CAPZB: variants seen among roughly 807,000 people sequenced by gnomAD.
The protein encoded by CAPZB is capping actin protein of muscle Z-line subunit beta.
Under a neutral mutation model 38.1 loss-of-function variants are expected in CAPZB, and 2 were observed. The ratio of observed to expected loss-of-function variants is 0.05; its 90% CI spans 0.02 to 0.17. The LOEUF (loss-of-function observed/expected upper bound fraction) is 0.17, where lower values mean the gene tolerates loss of function less well. Ranked by LOEUF, CAPZB falls within the 10% of genes least tolerant of loss-of-function variation. CAPZB has a pLI of 1.00. For synonymous variants in CAPZB, 107 were observed against 127.4 expected, an observed-to-expected ratio of 0.84 and a Z score of 1.08; for missense variants, 161 against 334.2, an observed-to-expected ratio of 0.48 and a Z score of 4.04.
At chr1:19,456,715 T>C (rs574256844) in intron 1 of CAPZB, among the ~76,000 whole-genome samples, 13 of 152,188 alleles carry the variant, frequency 8.5e-5, no homozygotes, top group Non-Finnish European at 1.5e-4. Context: ...CCATGGAGTC[T>C]ATTTGGGAAA....
chr1:19,379,574 C>T (rs1024181840), intron 3 of CAPZB, among the ~76,000 whole-genome samples: 5 of 152,186 alleles, frequency 3.3e-5, no homozygotes, highest in African/African-American at 1.2e-4. Context: ...ATTAGAAAAC[C>T]TGAGCAATCA....
chr1:19,454,532 T>G (rs1365264601), intron 1 of CAPZB, among the ~76,000 whole-genome samples: 1 of 152,144 alleles, frequency 6.6e-6, no homozygotes, highest in Admixed American at 6.5e-5. Context: ...CATTCCTCAC[T>G]TGGTCCTTAC....
At position 19,459,533 on chromosome 1, in the gene CAPZB, AG is replaced by A. The variant is rs1221764741; in HGVS notation, c.3+25902del. Among the ~76,000 whole-genome samples, 3 of 152,314 alleles carry A rather than the reference AG, an allele frequency of 2.0e-5. No individual in the cohort carries two copies. The East Asian group carries it at 5.8e-4, about 29-fold the overall frequency. ...GCCTCTCAGCCCCCACACCTGGGGT[AG>A]AATTTCTTCATCCAAAAAACGGGAT... On this transcript the variant is annotated intron_variant, in intron 1 of 8. Coordinates refer to ENST00000264202, the MANE Select transcript of CAPZB (RefSeq NM_004930.5).
intron 4 of CAPZB, among the ~76,000 whole-genome samples, chr1:19,362,538 T>C (rs992247531): frequency 6.6e-6 from 1 of 152,060 alleles, no homozygotes; most frequent in African/African-American, 2.4e-5. Context: ...CTTTTAAACA[T>C]GCAGGCCTAG....
In CAPZB at chr1:19,345,236, G is replaced by A; in HGVS notation, c.605C>T (p.Thr202Ile). ...TATGTGTGGGGAGCAGTCACTCACA[G>A]TTTCATCCTTCTCCATCTGCAAAAG... ...SLTRQMEKDE[T>I]VSDCSPHIAN... Residue 202 changes from threonine (T) to isoleucine (I), a missense_variant, in exon 7 of 9, where the codon ACT becomes ATT. Thr to Ile is a moderately conservative substitution (Grantham distance 89). Coordinates refer to ENST00000264202, the MANE Select transcript of CAPZB (RefSeq NM_004930.5). The A allele has an allele frequency of 6.2e-7, 1 of 1,613,664 alleles. No homozygotes were observed. The highest frequency in any genetic ancestry group is 8.5e-7 in the Non-Finnish European group (1 of 1,179,646).
intron 6 of CAPZB, among the ~76,000 whole-genome samples, chr1:19,353,017 A>C (rs2094000286): frequency 6.6e-6 from 1 of 152,234 alleles, no homozygotes; most frequent in Non-Finnish European, 1.5e-5. Context: ...CCAGCAAGCC[A>C]AAGCTGGCGG....
chr1:19,403,700 T>C (rs1021987863), intron 2 of CAPZB, among the ~76,000 whole-genome samples: 3 of 152,186 alleles, frequency 2.0e-5, no homozygotes, highest in African/African-American at 4.8e-5. Flanking sequence ...ACTCCAGTAA[T>C]GCAGGGAGGA....
At chr1:19,393,183 A>G (rs957562097) in intron 2 of CAPZB, among the ~76,000 whole-genome samples, 64 of 152,246 alleles carry the variant, frequency 4.2e-4, no homozygotes, top group African/African-American at 1.4e-3. Flanking sequence ...CATTTTGCCT[A>G]ATGGCTCTCT....
chr1:19,438,991 T>C lies in CAPZB; in HGVS notation c.4-19241A>G, dbSNP rs1212077231. ...ATAGGAATCCGTTTCCAATCAATGA[T>C]GGAAACCAGATTCCCTCATCAGTTG... On this transcript the variant is annotated intron_variant, in intron 1 of 8. Coordinates refer to ENST00000264202, the MANE Select transcript of CAPZB (RefSeq NM_004930.5). Among the ~76,000 whole-genome samples the C allele has an allele frequency of 4.6e-5, 7 of 152,206 alleles. No individual in the cohort carries two copies. The East Asian group carries it at 5.8e-4, about 13-fold the overall frequency.
At chr1:19,441,806 G>A (rs943157427) in intron 1 of CAPZB, among the ~76,000 whole-genome samples, 4 of 151,940 alleles carry the variant, frequency 2.6e-5, no homozygotes, top group Non-Finnish European at 2.9e-5. Context: ...TCAGGAGTTC[G>A]AGACCAGCCT....
At chr1:19,444,805 C>T (rs547979602) in intron 1 of CAPZB, among the ~76,000 whole-genome samples, 1 of 152,252 alleles carries the variant, frequency 6.6e-6, no homozygotes. Context: ...TGAAGTGGCG[C>T]AATCCTGGCT....
intron 1 of CAPZB, among the ~76,000 whole-genome samples, chr1:19,447,904 A>G (rs1275158508): frequency 1.3e-5 from 2 of 152,230 alleles, no homozygotes; most frequent in Non-Finnish European, 1.5e-5. Context: ...TTTAAGAATT[A>G]GAACAGGCTC....
At chr1:19,378,470 A>G in intron 4 of CAPZB, 70 bp downstream of exon 4, 1 of 875,574 alleles carries the variant, frequency 1.1e-6, no homozygotes, top group South Asian at 1.3e-5. Flanking sequence ...TTCCAGATAG[A>G]ACACTGCCAC....
chr1:19,431,949 A>G (rs1234914162), intron 1 of CAPZB, among the ~76,000 whole-genome samples: 1 of 142,050 alleles, frequency 7.0e-6, no homozygotes, highest in Non-Finnish European at 1.5e-5. Context: ...GTGGTGGTGC[A>G]TGCCTGTAGT....
intron 1 of CAPZB, among the ~76,000 whole-genome samples, chr1:19,467,459 CTCCCTACAAACTTA>C (rs2094572683): frequency 6.6e-6 from 1 of 152,184 alleles, no homozygotes; most frequent in Non-Finnish European, 1.5e-5. Flanking sequence ...CACACTCATT[CTCCCTACAAACTTA>C]TCTAGCCTAA....
intron 1 of CAPZB, among the ~76,000 whole-genome samples, chr1:19,469,767 C>G (rs2094580641): frequency 6.6e-6 from 1 of 151,738 alleles, no homozygotes; most frequent in Non-Finnish European, 1.5e-5. Context: ...CACACACACA[C>G]ACACACACAC....
intron 1 of CAPZB, among the ~76,000 whole-genome samples, chr1:19,441,951 G>A (rs2094478168): frequency 1.4e-5 from 2 of 145,396 alleles, no homozygotes; most frequent in African/African-American, 5.1e-5. Context: ...GGAGGTTGCA[G>A]TGCGCTGAGA....
chr1:19,459,701 T>C (rs2094544444), intron 1 of CAPZB, among the ~76,000 whole-genome samples: 2 of 152,190 alleles, frequency 1.3e-5, no homozygotes, highest in Non-Finnish European at 2.9e-5. Flanking sequence ...TTTCACTTTC[T>C]GCAGTTTCAA....
At chr1:19,374,778 C>T (rs2094136741) in intron 4 of CAPZB, among the ~76,000 whole-genome samples, 1 of 152,244 alleles carries the variant, frequency 6.6e-6, no homozygotes. Context: ...GTGGAGGTCT[C>T]CTCTCAGAAT....
Sources: allele counts gnomAD v4.1 joint callset (sites outside exome capture counted in the v4.1 genomes callset), GRCh38; gene constraint gnomAD v4.1.1; transcripts MANE v1.5; gene names NCBI Gene and HGNC (gene_info 2026-07-23, HGNC 2026-07-21).